Variants in PTPRT observed in about 807,000 individuals in gnomAD.
PTPRT encodes receptor-type tyrosine-protein phosphatase T.
A neutral mutation model predicts 176.8 loss-of-function variants in PTPRT; 56 were observed. The ratio of observed to expected loss-of-function variants is 0.32; its 90% CI spans 0.26 to 0.40. The LOEUF is 0.40. Among genes scored for constraint, PTPRT ranks in the 10% least tolerant of loss-of-function variants. The pLI is 1.00. For missense variants in PTPRT, 1,540 were observed against 1,908.2 expected (o/e 0.81, Z 3.60); for synonymous variants, 783 against 739.0 (o/e 1.06, Z -0.96).
intron 1 of PTPRT, among the ~76,000 whole-genome samples, chr20:42,980,516 C>G (rs1223630624): frequency 6.6e-6 from 1 of 152,216 alleles, no homozygotes; most frequent in African/African-American, 2.4e-5. Flanking sequence ...AATACATTCT[C>G]TTATTCAAAT....
intron 2 of PTPRT, among the ~76,000 whole-genome samples, chr20:42,860,333 T>C (rs1453524947): frequency 6.6e-6 from 1 of 152,250 alleles, no homozygotes; most frequent in East Asian, 1.9e-4. Flanking sequence ...GATATATTTC[T>C]AAAACTTGGA....
chr20:42,466,539 T>A lies in PTPRT; in HGVS notation c.1450+5727A>T, dbSNP rs78035851. 8.0e-3 allele frequency among the ~76,000 whole-genome samples: 1,219 copies of A among 152,236 alleles called. 11 individuals carry two copies. The highest frequency in any genetic ancestry group is 0.014 in the Middle Eastern group (4 of 294). On this transcript the variant is annotated intron_variant, in intron 8 of 30. Transcript: ENST00000373187. ...CTAACTTAGTATAATAGCTTTATTG[T>A]TTTTTAGAGGGATTGGTGTTGTAAT... is the stretch of plus-strand genomic sequence containing the variant.
At chr20:42,937,141 C>T (rs180713249) in intron 1 of PTPRT, among the ~76,000 whole-genome samples, 2 of 152,306 alleles carry the variant, frequency 1.3e-5, no homozygotes, top group Admixed American at 6.5e-5. Context: ...TCAAGTCTTG[C>T]TATATAGGCA....
At chr20:42,697,438 G>C (rs1354449608) in intron 6 of PTPRT, among the ~76,000 whole-genome samples, 1 of 152,210 alleles carries the variant, frequency 6.6e-6, no homozygotes, top group African/African-American at 2.4e-5. Flanking sequence ...CTATGATCCT[G>C]ATATCAAGGA....
At chr20:42,217,202 C>T (rs964590798) in intron 15 of PTPRT, among the ~76,000 whole-genome samples, 3 of 151,940 alleles carry the variant, frequency 2.0e-5, no homozygotes, top group Admixed American at 6.6e-5. Flanking sequence ...GGCGAAATCC[C>T]GTCTCTACTA....
At chr20:42,643,794 T>C (rs1033683461) in intron 7 of PTPRT, among the ~76,000 whole-genome samples, 1 of 152,052 alleles carries the variant, frequency 6.6e-6, no homozygotes, top group Non-Finnish European at 1.5e-5. Flanking sequence ...AGCTGCTTTA[T>C]ACGACTGGTT....
chr20:42,944,621 C>T (rs1021471127), intron 1 of PTPRT, among the ~76,000 whole-genome samples: 4 of 152,152 alleles, frequency 2.6e-5, no homozygotes, highest in Admixed American at 2.6e-4. Flanking sequence ...AGCCTTTGCA[C>T]GTGCTATGCC....
At chr20:42,217,305 G>A (rs538892614) in intron 15 of PTPRT, among the ~76,000 whole-genome samples, 4 of 150,862 alleles carry the variant, frequency 2.7e-5, no homozygotes, top group South Asian at 2.1e-4. Flanking sequence ...CCTGAGAGGC[G>A]GGGAGGTTGG....
intron 11 of PTPRT, 106 bp downstream of exon 11, chr20:42,350,522 C>G (rs931821109): frequency 1.0e-6 from 1 of 974,934 alleles, no homozygotes; most frequent in Non-Finnish European, 1.6e-6. Context: ...AAGCTTTGTT[C>G]CTGGCCAGTC....
At chr20:42,392,286 T>C (rs2058807331) in intron 9 of PTPRT, among the ~76,000 whole-genome samples, 1 of 152,122 alleles carries the variant, frequency 6.6e-6, no homozygotes, top group Admixed American at 6.5e-5. Flanking sequence ...GTAAGTCAAC[T>C]AAGAACCTGA....
chr20:43,035,317 T>C (rs1473826761), intron 1 of PTPRT, among the ~76,000 whole-genome samples: 2 of 152,174 alleles, frequency 1.3e-5, no homozygotes, highest in African/African-American at 4.8e-5. Context: ...TGGAGGTCTG[T>C]GTTTTCTCAA....
intron 12 of PTPRT, among the ~76,000 whole-genome samples, chr20:42,314,547 GAAAAGA>G (rs1568766071): frequency 2.7e-4 from 32 of 118,174 alleles, no homozygotes; most frequent in African/African-American, 5.5e-4. Context: ...AAAAAAGAAA[GAAAAGA>G]AAAGAAAAGA....
At chr20:43,185,999 A>G (rs1600782459) in intron 1 of PTPRT, among the ~76,000 whole-genome samples, 1 of 152,054 alleles carries the variant, frequency 6.6e-6, no homozygotes, top group South Asian at 2.1e-4. Context: ...ACTATTTAGC[A>G]TAAGACTGAT....
intron 17 of PTPRT, among the ~76,000 whole-genome samples, chr20:42,144,452 G>A (rs369146358): frequency 1.2e-4 from 18 of 152,206 alleles, no homozygotes; most frequent in African/African-American, 4.3e-4. Flanking sequence ...TTAGGGATAG[G>A]GAAGAGATAG....
At chr20:42,221,284 A>G (rs564342110) in intron 15 of PTPRT, among the ~76,000 whole-genome samples, 20 of 152,046 alleles carry the variant, frequency 1.3e-4, no homozygotes, top group African/African-American at 4.1e-4. Context: ...GATTACAGGC[A>G]TGAGCTACTG....
At chr20:42,368,220 C>T (rs2145589018) in intron 9 of PTPRT, among the ~76,000 whole-genome samples, 1 of 152,206 alleles carries the variant, frequency 6.6e-6, no homozygotes, top group South Asian at 2.1e-4. Flanking sequence ...AGATTATGCC[C>T]TGGGCAGGAA....
At chr20:42,364,276 T>C (rs1297469670) in intron 9 of PTPRT, among the ~76,000 whole-genome samples, 1 of 152,178 alleles carries the variant, frequency 6.6e-6, no homozygotes, top group Non-Finnish European at 1.5e-5. Flanking sequence ...GAAGTTTCAC[T>C]CTATTGCACT....
At position 42,508,548 on chromosome 20, in the gene PTPRT, C is replaced by T. The variant is rs375938257; in HGVS notation, c.1154-35986G>A. On this transcript the variant is annotated intron_variant, in intron 7 of 30. Transcript: ENST00000373187. Reference sequence around the variant, plus strand: ...AAAATAGAATAGCCCTTACTATGTACCAGAAGCTATTCTAAGTGACTTATA... The same window carrying T: ...AAAATAGAATAGCCCTTACTATGTATCAGAAGCTATTCTAAGTGACTTATA... Among the ~76,000 whole-genome samples, 15 of 152,186 alleles carry T rather than the reference C, an allele frequency of 9.9e-5. No homozygotes were observed. In the South Asian group the frequency reaches 3.1e-3, roughly 32 times the overall value.
intron 15 of PTPRT, among the ~76,000 whole-genome samples, chr20:42,230,631 C>T (rs868245686): frequency 2.0e-5 from 3 of 152,154 alleles, no homozygotes; most frequent in Non-Finnish European, 4.4e-5. Context: ...TACACACTCT[C>T]TCGTTGCCCT....
Sources: allele counts gnomAD v4.1 joint callset (sites outside exome capture counted in the v4.1 genomes callset), GRCh38; gene constraint gnomAD v4.1.1; transcripts MANE v1.5; gene names NCBI Gene and HGNC (gene_info 2026-07-23, HGNC 2026-07-21).